The following PARN variants were observed in gnomAD, a reference collection of about 807,000 sequenced individuals.
The protein encoded by PARN is poly(A)-specific ribonuclease PARN.
Under a neutral mutation model 102.8 loss-of-function variants are expected in PARN, and 71 were observed. The observed-to-expected ratio is 0.69, with a 90% CI of 0.57 to 0.84. The LOEUF (loss-of-function observed/expected upper bound fraction) is 0.84, where lower values mean the gene tolerates loss of function less well. PARN is among the 40% of genes least tolerant of loss of function. PARN has a pLI of 0.00. For synonymous variants in PARN, 261 were observed against 252.9 expected, an observed-to-expected ratio of 1.03 and a Z score of -0.30; for missense variants, 782 against 760.9, an observed-to-expected ratio of 1.03 and a Z score of -0.33.
Position 14,604,169 on chromosome 16 carries a change from G to C in PARN, c.760C>G (p.Gln254Glu). ...VDEEERKRRE[Q>E]QKHAKEQEEL... The stretch of plus-strand genomic sequence containing the variant: ...ACCTGTTCTTTGGCATGTTTCTGCT[G>C]CTCTCTTCTTTTGCGTTCTTCTTCA... Residue 254 changes from glutamine to glutamate, a missense_variant, in exon 11 of 24, where the codon CAG (glutamine) becomes GAG (glutamate). Gln to Glu is a conservative substitution (Grantham distance 29). Coordinates refer to ENST00000437198, the MANE Select transcript of PARN (RefSeq NM_002582.4). 1 of 1,601,518 alleles carries C rather than the reference G, an allele frequency of 6.2e-7. No homozygotes were observed. The highest frequency in any genetic ancestry group is 1.1e-5 in the South Asian group (1 of 89,262).
chr16:14,618,444 T>C (rs1011604302), intron 5 of PARN, among the ~76,000 whole-genome samples: 5 of 148,734 alleles, frequency 3.4e-5, no homozygotes, highest in Admixed American at 1.4e-4. Flanking sequence ...GCCGAGATCA[T>C]GCCACTGCCA....
intron 18 of PARN, among the ~76,000 whole-genome samples, chr16:14,574,332 G>T (rs896399690): frequency 2.6e-5 from 4 of 152,216 alleles, no homozygotes; most frequent in African/African-American, 9.6e-5. Flanking sequence ...CATTCAAGAG[G>T]TGACCTGAGT....
At chr16:14,613,613 A>G (rs772252630) in intron 6 of PARN, among the ~76,000 whole-genome samples, 35 of 152,160 alleles carry the variant, frequency 2.3e-4, no homozygotes, top group Non-Finnish European at 4.3e-4. Flanking sequence ...ACAGGGTGAG[A>G]CAGTCTCAAA....
chr16:14,624,095 A>T (rs887174819), intron 5 of PARN, among the ~76,000 whole-genome samples: 1 of 152,138 alleles, frequency 6.6e-6, no homozygotes, highest in African/African-American at 2.4e-5. Context: ...CCACATCTTG[A>T]CAAGCATATG....
chr16:14,440,606 T>C (rs1408952649), intron 23 of PARN, among the ~76,000 whole-genome samples: 2 of 152,200 alleles, frequency 1.3e-5, no homozygotes, highest in African/African-American at 4.8e-5. Context: ...ACAACCTAAA[T>C]GTCCTTCCCC....
intron 6 of PARN, among the ~76,000 whole-genome samples, chr16:14,615,062 G>A (rs1434385851): frequency 6.6e-6 from 1 of 151,902 alleles, no homozygotes; most frequent in African/African-American, 2.4e-5. Context: ...AAAGGAACTT[G>A]AGAGAAGACT....
chr16:14,602,326 C>G (rs910234830), intron 11 of PARN, among the ~76,000 whole-genome samples: 1 of 152,024 alleles, frequency 6.6e-6, no homozygotes, highest in African/African-American at 2.4e-5. Flanking sequence ...CCTCAGGATT[C>G]AGCCCCAGGT....
At chr16:14,618,819 T>A (rs1392872750) in intron 5 of PARN, among the ~76,000 whole-genome samples, 1 of 152,152 alleles carries the variant, frequency 6.6e-6, no homozygotes, top group South Asian at 2.1e-4. Flanking sequence ...CACAGGCACA[T>A]GCACAGGTTA....
At chr16:14,515,917 G>C (rs1210367620) in intron 21 of PARN, among the ~76,000 whole-genome samples, 3 of 152,124 alleles carry the variant, frequency 2.0e-5, no homozygotes, top group Non-Finnish European at 4.4e-5. Context: ...TCCAGCCTAG[G>C]TTAACAGATA....
chr16:14,586,998 A>G (rs1443255050), intron 13 of PARN, among the ~76,000 whole-genome samples: 1 of 152,242 alleles, frequency 6.6e-6, no homozygotes, highest in Admixed American at 6.5e-5. Context: ...TAGAGCTGAA[A>G]TGAGAGTCCT....
intron 14 of PARN, 28 bp downstream of exon 14, chr16:14,586,290 G>C (rs755054535): frequency 1.3e-5 from 19 of 1,480,436 alleles, no homozygotes; most frequent in Non-Finnish European, 1.6e-5. Flanking sequence ...TTTTTTAAAA[G>C]AAAGACAAAT....
At chr16:14,547,551 T>G (rs939655141) in intron 21 of PARN, among the ~76,000 whole-genome samples, 1 of 151,640 alleles carries the variant, frequency 6.6e-6, no homozygotes, top group African/African-American at 2.4e-5. Context: ...CAAGAAAATT[T>G]TGAAAAAATT....
At chr16:14,508,039 A>G (rs1052822192) in intron 21 of PARN, among the ~76,000 whole-genome samples, 3 of 152,228 alleles carry the variant, frequency 2.0e-5, no homozygotes, top group Admixed American at 6.5e-5. Context: ...CCAGAATGTT[A>G]TCATAATTAT....
chr16:14,557,737 T>C (rs1967788842), intron 18 of PARN, among the ~76,000 whole-genome samples: 2 of 152,120 alleles, frequency 1.3e-5, no homozygotes, highest in African/African-American at 4.8e-5. Context: ...AGAAACCAAA[T>C]TTATTTTTAG....
intron 9 of PARN, 181 bp downstream of exon 9, chr16:14,608,100 A>T: frequency 1.6e-6 from 1 of 618,088 alleles, no homozygotes. Context: ...AGCATCTGTT[A>T]AAAAACAATA....
intron 22 of PARN, among the ~76,000 whole-genome samples, chr16:14,463,845 G>GC (rs1360738678): frequency 7.0e-6 from 1 of 142,254 alleles, no homozygotes; most frequent in Non-Finnish European, 1.5e-5. Context: ...TTTTGGGGGG[G>GC]GGGGGACGAC....
At chr16:14,534,685 G>A (rs996140649) in intron 21 of PARN, among the ~76,000 whole-genome samples, 2 of 152,174 alleles carry the variant, frequency 1.3e-5, no homozygotes, top group Admixed American at 6.5e-5. Context: ...TTACATAGGA[G>A]GAGTAGCAGC....
At chr16:14,474,305 A>G (rs1301606141) in intron 22 of PARN, among the ~76,000 whole-genome samples, 1 of 152,174 alleles carries the variant, frequency 6.6e-6, no homozygotes, top group East Asian at 1.9e-4. Flanking sequence ...GTGCTCAGCC[A>G]ATGATCTTTT....
At chr16:14,458,141 T>G (rs1961774657) in intron 22 of PARN, among the ~76,000 whole-genome samples, 3 of 152,286 alleles carry the variant, frequency 2.0e-5, no homozygotes, top group African/African-American at 7.2e-5. Flanking sequence ...TCAACTCACT[T>G]TAACACAGAA....
Sources: allele counts gnomAD v4.1 joint callset (sites outside exome capture counted in the v4.1 genomes callset), GRCh38; gene constraint gnomAD v4.1.1; transcripts MANE v1.5; gene names NCBI Gene and HGNC (gene_info 2026-07-23, HGNC 2026-07-21).